The following ABCA13 variants were observed in gnomAD, a reference collection of about 807,000 sequenced individuals.
ABCA13 encodes the protein ATP binding cassette subfamily A member 13.
Under a neutral mutation model 478.7 loss-of-function variants are expected in ABCA13, and 476 were observed. That is an observed-to-expected ratio of 0.99 (90% CI 0.92 to 1.07). ABCA13 has a LOEUF of 1.07. Ranked by LOEUF, ABCA13 falls within the 50% of genes least tolerant of loss-of-function variation. The pLI is 0.00. For synonymous variants in ABCA13, 2,252 were observed against 2,158.9 expected (o/e 1.04, Z -1.20); for missense variants, 6,060 against 5,910.6 (o/e 1.03, Z -0.83).
rs181631031 is a variant in ABCA13 at position 48,368,922 on chromosome 7, G to A, written c.10803+1014G>A. 6.3e-3 allele frequency among the ~76,000 whole-genome samples: 958 copies of A among 151,518 alleles called. 10 individuals are homozygous for A. The highest frequency in any genetic ancestry group is 0.022 in the African/African-American group (919 of 41,396). On this transcript the variant is annotated intron_variant, in intron 32 of 61. Coordinates refer to ENST00000435803, the MANE Select transcript of ABCA13 (RefSeq NM_152701.5). ...TCTTTTTCATGTAATGACTTCAGGA[G>A]TGGGATTGCTGGTTCAAATGGTAGA... is the stretch of plus-strand genomic sequence containing the variant.
intron 35 of ABCA13, among the ~76,000 whole-genome samples, chr7:48,379,331 T>C (rs886128009): frequency 6.6e-6 from 1 of 152,170 alleles, no homozygotes; most frequent in Admixed American, 6.5e-5. Flanking sequence ...ATAAAGAGGG[T>C]TATAATTTCT....
chr7:48,307,214 G>A (rs1159797407), intron 23 of ABCA13, among the ~76,000 whole-genome samples: 1 of 152,198 alleles, frequency 6.6e-6, no homozygotes, highest in African/African-American at 2.4e-5. Flanking sequence ...ACATTATAGT[G>A]TATACTTACA....
chr7:48,596,350 T>C (rs1432184575), intron 58 of ABCA13, among the ~76,000 whole-genome samples: 1 of 152,256 alleles, frequency 6.6e-6, no homozygotes, highest in Non-Finnish European at 1.5e-5. Context: ...TTTTTTTAAA[T>C]GCCATTTTCT....
intron 8 of ABCA13, among the ~76,000 whole-genome samples, chr7:48,234,674 A>G (rs1225634369): frequency 3.3e-5 from 5 of 152,182 alleles, no homozygotes; most frequent in African/African-American, 1.2e-4. Flanking sequence ...GACCCAGTTC[A>G]CTGTTGGTAT....
chr7:48,512,138 A>G (rs1831742723), intron 51 of ABCA13, among the ~76,000 whole-genome samples: 1 of 151,704 alleles, frequency 6.6e-6, no homozygotes, highest in African/African-American at 2.4e-5. Flanking sequence ...GGAGAGAGAG[A>G]TTAAGAGAGA....
chr7:48,443,639 C>G (rs1823916253), intron 42 of ABCA13, among the ~76,000 whole-genome samples: 1 of 152,168 alleles, frequency 6.6e-6, no homozygotes, highest in African/African-American at 2.4e-5. Flanking sequence ...TCTGCAGGCT[C>G]TATAGTAGAT....
intron 3 of ABCA13, among the ~76,000 whole-genome samples, chr7:48,204,311 G>C (rs1167328790): frequency 6.6e-6 from 1 of 151,808 alleles, no homozygotes; most frequent in Non-Finnish European, 1.5e-5. Flanking sequence ...CCGGGTTCAA[G>C]CGATTCTCCT....
intron 59 of ABCA13, 97 bp downstream of exon 59, chr7:48,615,474 C>G: frequency 9.5e-7 from 1 of 1,047,396 alleles, no homozygotes; most frequent in Non-Finnish European, 1.4e-6. Flanking sequence ...AAGTATGTTC[C>G]AATTACCTGC....
intron 55 of ABCA13, among the ~76,000 whole-genome samples, chr7:48,545,450 C>G (rs1313360331): frequency 6.6e-6 from 1 of 151,642 alleles, no homozygotes; most frequent in East Asian, 1.9e-4. Flanking sequence ...CACAACTCCC[C>G]CTACCCAAGA....
At position 48,352,238 on chromosome 7, in the gene ABCA13, T is replaced by C. The variant is rs373024545; in HGVS notation, c.10439T>C (p.Leu3480Pro). Residue 3480 changes from leucine (L) to proline (P), a missense_variant, in exon 31 of 62, where the codon CTG becomes CCG. Leu to Pro is a moderately conservative substitution (Grantham distance 98, BLOSUM62 -3). Around this residue, in one of 3 missense-constraint regions of ABCA13, gnomAD observed 4,423 missense variants for 4,309.1 expected, o/e 1.03. Transcript: ENST00000435803. ...DKNFRSESVK[L>P]PPHVSYTIRT... Reference sequence around the variant, plus strand: ...AACTTCAGATCAGAGTCTGTCAAACTGCCACCCCATGTCTCATACACAATC... The same window carrying C: ...AACTTCAGATCAGAGTCTGTCAAACCGCCACCCCATGTCTCATACACAATC... The C allele has an allele frequency of 7.4e-6, 12 of 1,612,148 alleles. No individual in the cohort carries two copies. The highest frequency in any genetic ancestry group is 1.0e-5 in the Non-Finnish European group (12 of 1,178,522).
At chr7:48,283,193 C>A (rs1391279556) in intron 19 of ABCA13, among the ~76,000 whole-genome samples, 1 of 152,040 alleles carries the variant, frequency 6.6e-6, no homozygotes, top group Non-Finnish European at 1.5e-5. Context: ...GGAAGGGTTA[C>A]CGGCCCCAGG....
chr7:48,287,143 A>C (rs1229991268), intron 19 of ABCA13, among the ~76,000 whole-genome samples: 1 of 152,194 alleles, frequency 6.6e-6, no homozygotes, highest in African/African-American at 2.4e-5. Context: ...AAAGATACGT[A>C]GGTTCAGGAA....
chr7:48,538,599 T>G (rs914439547), intron 55 of ABCA13, among the ~76,000 whole-genome samples: 2 of 152,186 alleles, frequency 1.3e-5, no homozygotes, highest in African/African-American at 4.8e-5. Context: ...GGTTAACTCT[T>G]ATTTGCATCT....
At chr7:48,586,113 C>A (rs1789154695) in intron 56 of ABCA13, among the ~76,000 whole-genome samples, 2 of 152,030 alleles carry the variant, frequency 1.3e-5, no homozygotes, top group African/African-American at 4.8e-5. Flanking sequence ...GACAAGCTGG[C>A]AGGGTGGAAG....
At position 48,220,184 on chromosome 7, in the gene ABCA13, T is replaced by C. The variant is rs116317455; in HGVS notation, c.439+679T>C. ...GATAAAGATCTTAGAGAGTTTTGCT[T>C]ACAAATGGAGAAGTTTGCACCTCAG... is the stretch of plus-strand genomic sequence containing the variant. On this transcript the variant is annotated intron_variant, in intron 4 of 61. Transcript: ENST00000435803. 2.5e-3 allele frequency among the ~76,000 whole-genome samples: 377 copies of C among 152,292 alleles called. 5 individuals carry two copies. Among genetic ancestry groups the C allele is most frequent in the African/African-American group, 8.6e-3 (359 of 41,568 alleles).
chr7:48,241,036 GCC>G lies in ABCA13; in HGVS notation c.1234_1235del (p.Pro412LysfsTer3), dbSNP rs771070878. 2.5e-6 allele frequency: 4 copies of G among 1,613,996 alleles called. No homozygotes were observed. The highest frequency in any genetic ancestry group is 1.7e-4 in the Middle Eastern group (1 of 6,058). The stretch of plus-strand genomic sequence containing the variant: ...CTGAATGACAGCTTGTCAGCAGATG[GCC>G]CAAAAGATAATCATACATTTCCAAA... On this transcript the variant is annotated frameshift_variant, in exon 10 of 62. Transcript: ENST00000435803. LOFTEE classifies it high-confidence loss of function.
chr7:48,608,231 C>T (rs1791667793), intron 58 of ABCA13, among the ~76,000 whole-genome samples: 1 of 152,206 alleles, frequency 6.6e-6, no homozygotes, highest in Non-Finnish European at 1.5e-5. Flanking sequence ...TATGCATAGG[C>T]TAGTTGCTAG....
At chr7:48,526,656 A>G (rs983889765) in intron 54 of ABCA13, among the ~76,000 whole-genome samples, 1 of 152,184 alleles carries the variant, frequency 6.6e-6, no homozygotes, top group African/African-American at 2.4e-5. Context: ...AAATCTATAC[A>G]GTATGTGCTG....
At chr7:48,529,688 A>G (rs1563399289) in intron 55 of ABCA13, among the ~76,000 whole-genome samples, 1 of 152,194 alleles carries the variant, frequency 6.6e-6, no homozygotes, top group Non-Finnish European at 1.5e-5. Context: ...TGTGTCTACA[A>G]TTTCCCACTG....
Sources: allele counts gnomAD v4.1 joint callset (sites outside exome capture counted in the v4.1 genomes callset), GRCh38; gene constraint gnomAD v4.1.1; regional missense constraint gnomAD v4.1.1; transcripts MANE v1.5; gene names NCBI Gene and HGNC (gene_info 2026-07-23, HGNC 2026-07-21).